KNL1: variants seen among roughly 807,000 people sequenced by gnomAD.
The protein encoded by KNL1 is outer kinetochore KNL1 complex subunit KNL1.
In KNL1, 66 loss-of-function variants were observed where a neutral mutation model predicts 201.3. That is an observed-to-expected ratio of 0.33 (90% CI 0.27 to 0.40). The LOEUF (loss-of-function observed/expected upper bound fraction) is 0.40. Ranked by LOEUF, KNL1 falls within the 10% of genes least tolerant of loss-of-function variation. The pLI is 1.00. For missense variants in KNL1, 2,815 were observed against 2,690.5 expected, an observed-to-expected ratio of 1.05 and a Z score of -1.02; for synonymous variants, 895 against 899.2, an observed-to-expected ratio of 1.00 and a Z score of 0.08.
intron 21 of KNL1, among the ~76,000 whole-genome samples, chr15:40,652,697 A>T (rs1893604726): frequency 7.1e-6 from 1 of 140,374 alleles, no homozygotes; most frequent in South Asian, 2.3e-4. Flanking sequence ...CAGGAGGTGG[A>T]GGTTGCAGTG....
chr15:40,645,884 A>G, intron 16 of KNL1, 112 bp downstream of exon 16: 1 of 536,176 alleles, frequency 1.9e-6, no homozygotes, highest in South Asian at 3.6e-5. Context: ...GACTTGGGCA[A>G]AAACTTAACA....
At chr15:40,650,696 G>C in intron 19 of KNL1, 113 bp downstream of exon 19, 1 of 908,462 alleles carries the variant, frequency 1.1e-6, no homozygotes, top group Non-Finnish European at 1.6e-6. Context: ...GATTGAGGCT[G>C]ACTCAGGGCT....
Position 40,650,572 on chromosome 15 carries a change from G to A in KNL1, c.6201G>A (p.Glu2067=), listed in dbSNP as rs1176023328. Residue 2067 remains glutamate (E), a synonymous_variant, in exon 19 of 26, where the codon GAG becomes GAA. Transcript: ENST00000399668. ...KELEQLKTEE[E]ELQRNLLELE... ...TGGAACAGCTGAAAACTGAAGAAGA[G>A]GAGCTTCAAAGGTCAGCCTTCAATC... is the stretch of plus-strand genomic sequence containing the variant. The A allele has an allele frequency of 1.3e-6, 2 of 1,561,006 alleles. No homozygotes were observed. The highest frequency in any genetic ancestry group is 2.3e-5 in the East Asian group (1 of 44,178).
chr15:40,602,746 A>G (rs907727966), intron 1 of KNL1, among the ~76,000 whole-genome samples, 169 bp from the exon 2 acceptor site: 1 of 141,898 alleles, frequency 7.0e-6, no homozygotes, highest in Non-Finnish European at 1.6e-5. Flanking sequence ...CGGCCTCCCA[A>G]AGTGCTGGGA....
At chr15:40,641,614 A>G (rs548981845) in intron 14 of KNL1, among the ~76,000 whole-genome samples, 1 of 152,364 alleles carries the variant, frequency 6.6e-6, no homozygotes, top group African/African-American at 2.4e-5. Flanking sequence ...AAAATATTGT[A>G]TAAAATTACC....
intron 14 of KNL1, 55 bp downstream of exon 14, chr15:40,641,082 A>G (rs1294012687): frequency 1.7e-6 from 2 of 1,190,434 alleles, no homozygotes; most frequent in African/African-American, 1.5e-5. Context: ...ATCAGTTAAT[A>G]GTTTGTGTGG....
At chr15:40,652,216 C>T in intron 21 of KNL1, 111 bp downstream of exon 21, 3 of 558,850 alleles carry the variant, frequency 5.4e-6, no homozygotes, top group Admixed American at 3.0e-5. Context: ...GATGAGAGCA[C>T]TGCTGAAAGT....
In KNL1 at chr15:40,621,597, A is replaced by G; in HGVS notation, c.1333A>G (p.Asn445Asp). ...DAMEMTKCLS[N>D]MREEKNLLKH... is the part of the protein sequence containing the mutation. ...CATGGAAATGACCAAATGTCTCTCA[A>G]ATATGAGAGAGGAGAAAAATTTGCT... The change falls in exon 10 of 26, where the codon AAT becomes GAT. Residue 445 changes from asparagine to aspartate, a missense_variant. This residue lies in a region of KNL1 where 2,464 missense variants were observed against 2,291.7 expected (regional missense o/e 1.08). Coordinates refer to ENST00000399668, the MANE Select transcript of KNL1 (RefSeq NM_144508.5). The G allele has an allele frequency of 6.2e-7, 1 of 1,609,478 alleles. No individual in the cohort carries two copies.
rs374303139 is a variant in KNL1 at position 40,615,391 on chromosome 15, A to G, written c.322+13A>G. ...TGTGAAATTACTGGTGAGTATGACT[A>G]GAATACTTTTCTTATAGTAAGATAG... is the stretch of plus-strand genomic sequence containing the variant. On this transcript the variant is annotated intron_variant, in intron 8 of 25. Coordinates refer to ENST00000399668, the MANE Select transcript of KNL1 (RefSeq NM_144508.5). The G allele has an allele frequency of 2.5e-5, 17 of 684,164 alleles. No individual in the cohort carries two copies. Among genetic ancestry groups the G allele is most frequent in the Middle Eastern group, 9.2e-4 (2 of 2,170 alleles). The allele number at this position is 684,164 out of a possible 1,614,324, so 42.4% of individuals were successfully genotyped here. A position where few individuals can be genotyped will look rare whatever the true frequency, so the allele number is the denominator to read the frequency against.
Position 40,602,899 on chromosome 15 carries a change from T to A in KNL1, c.-17-16T>A, listed in dbSNP as rs778845584. 2 of 1,402,882 alleles carry A rather than the reference T, an allele frequency of 1.4e-6. No homozygotes were observed. The highest frequency in any genetic ancestry group is 2.0e-6 in the Non-Finnish European group (2 of 996,054). 86.9% of individuals were successfully genotyped at this position (1,402,882 alleles called of 1,614,324 possible). A position where few individuals can be genotyped will look rare whatever the true frequency, so the allele number is the denominator to read the frequency against. ...CCTTTTTCCTCATGTTTTCTAATAT[T>A]GTATATTTGTTACAGAAAAGTTTTC... On this transcript the variant is annotated splice_polypyrimidine_tract_variant and intron_variant, in intron 1 of 25. Coordinates refer to ENST00000399668, the MANE Select transcript of KNL1 (RefSeq NM_144508.5).
chr15:40,594,659 T>G lies in KNL1; in HGVS notation c.-18+267T>G, dbSNP rs560594709. Among the ~76,000 whole-genome samples, 28 of 152,340 alleles carry G rather than the reference T, an allele frequency of 1.8e-4. No homozygotes were observed. The East Asian group carries it at 5.0e-3, about 27-fold the overall frequency. On this transcript the variant is annotated intron_variant, in intron 1 of 25. Transcript: ENST00000399668. ...CTCCGGCCACCCGGCTCGGGTTGCT[T>G]GTCCGTCGCTCTCTTGGCGTCCTCT...
Position 40,623,778 on chromosome 15 carries a change from G to A in KNL1, c.3514G>A (p.Val1172Ile), listed in dbSNP as rs754788043. Residue 1172 changes from valine to isoleucine, a missense_variant, in exon 10 of 26, where the codon GTT (valine) becomes ATT (isoleucine). Val to Ile is a conservative substitution (Grantham distance 29). This residue lies in a region of KNL1 where 2,464 missense variants were observed against 2,291.7 expected (regional missense o/e 1.08). Transcript: ENST00000399668. ...SDLEVTDSHT[V>I]FIDCQATEKI... ...TCTGGAAGTCACCGATTCCCATACTGTTTTCATTGACTGTCAAGCCACAGA... is the reference window on the plus strand; with the variant it reads ...TCTGGAAGTCACCGATTCCCATACTATTTTCATTGACTGTCAAGCCACAGA... 1 of 1,613,688 alleles carries A rather than the reference G, an allele frequency of 6.2e-7. No homozygotes were observed. Among genetic ancestry groups the A allele is most frequent in the Non-Finnish European group, 8.5e-7 (1 of 1,179,822 alleles).
chr15:40,652,220 T>G, intron 21 of KNL1, 115 bp downstream of exon 21: 1 of 541,592 alleles, frequency 1.8e-6, no homozygotes, highest in Non-Finnish European at 3.2e-6. Context: ...AGAGCACTGC[T>G]GAAAGTCTTA....
chr15:40,659,894 A>ATGTGTGTGTGTG (rs776409302), intron 25 of KNL1, among the ~76,000 whole-genome samples: 2,921 of 146,912 alleles, frequency 0.02, 44 homozygotes, highest in African/African-American at 0.038. Context: ...TGAAGAATTT[A>ATGTGTGTGTGTG]TGTGTGTGTG....
chr15:40,601,765 T>G (rs1416458516), intron 1 of KNL1, among the ~76,000 whole-genome samples: 1 of 143,300 alleles, frequency 7.0e-6, no homozygotes, highest in African/African-American at 2.5e-5. Flanking sequence ...GAGGCGGAGC[T>G]TGCAGTGAGC....
intron 13 of KNL1, among the ~76,000 whole-genome samples, chr15:40,633,844 G>A (rs1261016041): frequency 2.0e-5 from 3 of 151,898 alleles, no homozygotes; most frequent in Non-Finnish European, 2.9e-5. Context: ...AGCCCTTATC[G>A]TTATTTTAGA....
At chr15:40,638,084 G>A (rs982458856) in intron 13 of KNL1, among the ~76,000 whole-genome samples, 6 of 152,026 alleles carry the variant, frequency 3.9e-5, no homozygotes, top group African/African-American at 1.5e-4. Flanking sequence ...GGGAGACTGA[G>A]GCAGGAGAAT....
At position 40,621,313 on chromosome 15, in the gene KNL1, C is replaced by T. The variant is rs202126938; in HGVS notation, c.1049C>T (p.Thr350Ile). ...CAAACTCAGAATGCCATGGATGTAA[C>T]AACAGGTTATGGAACTAAAGCTTCA... ...ENQTQNAMDV[T>I]TGYGTKASGN... Residue 350 changes from threonine to isoleucine, a missense_variant, in exon 10 of 26, where the codon ACA (threonine) becomes ATA (isoleucine). By Grantham distance (89) the Thr-to-Ile change is moderately conservative. Transcript: ENST00000399668. The T allele has an allele frequency of 1.2e-5, 19 of 1,613,846 alleles. No individual in the cohort carries two copies. The African/African-American group carries it at 1.7e-4, about 15-fold the overall frequency.
At position 40,663,955 on chromosome 15, in the gene KNL1, C is replaced by T. The variant is rs1173498370; in HGVS notation, c.*1767C>T. On this transcript the variant is annotated 3_prime_UTR_variant, in exon 26 of 26. Transcript: ENST00000399668. ...ATAAGCTTCAAAAGTCAAGACAAAC[C>T]TCATTTGCCATAAAAATCAAGATAT... 1.6e-5 allele frequency: 3 copies of T among 188,744 alleles called. No homozygotes were observed. The highest frequency in any genetic ancestry group is 3.3e-5 in the Non-Finnish European group (3 of 89,784). The allele number at this position is 188,744 out of a possible 1,614,324, so 11.7% of individuals were successfully genotyped here. A position where few individuals can be genotyped will look rare whatever the true frequency, so the allele number is the denominator to read the frequency against.
Sources: allele counts gnomAD v4.1 joint callset (sites outside exome capture counted in the v4.1 genomes callset), GRCh38; gene constraint gnomAD v4.1.1; regional missense constraint gnomAD v4.1.1; transcripts MANE v1.5; gene names NCBI Gene and HGNC (gene_info 2026-07-23, HGNC 2026-07-21).